GOLM2: variants seen among roughly 807,000 people sequenced by gnomAD.
GOLM2 encodes golgi membrane protein 2.
In GOLM2, 26 loss-of-function variants were observed where a neutral mutation model predicts 55.9. The ratio of observed to expected loss-of-function variants is 0.47; its 90% CI spans 0.34 to 0.65. The LOEUF is 0.65. Ranked by LOEUF, GOLM2 falls within the 30% of genes least tolerant of loss-of-function variation. The pLI is 0.01. For missense variants in GOLM2, 486 were observed against 531.8 expected (o/e 0.91, Z 0.85); for synonymous variants, 165 against 194.6 (o/e 0.85, Z 1.27).
intron 1 of GOLM2, among the ~76,000 whole-genome samples, chr15:44,294,740 C>CAA (rs1329043356): frequency 7.0e-6 from 1 of 143,334 alleles, no homozygotes; most frequent in Non-Finnish European, 1.5e-5. Flanking sequence ...ACCACCACCA[C>CAA]AAAAAAAAAC....
intron 1 of GOLM2, among the ~76,000 whole-genome samples, chr15:44,294,773 G>T (rs1273961923): frequency 1.3e-5 from 2 of 150,084 alleles, no homozygotes; most frequent in Non-Finnish European, 3.0e-5. Flanking sequence ...GGCATGGTGG[G>T]GGGCGCCTGT....
intron 6 of GOLM2, among the ~76,000 whole-genome samples, chr15:44,363,953 A>G (rs1420007416): frequency 1.3e-5 from 2 of 152,028 alleles, no homozygotes; most frequent in Non-Finnish European, 2.9e-5. Flanking sequence ...ACAAAAAACC[A>G]AACACCGCAT....
At chr15:44,340,756 ATGT>A (rs2079085706) in intron 6 of GOLM2, among the ~76,000 whole-genome samples, 1 of 152,216 alleles carries the variant, frequency 6.6e-6, no homozygotes, top group South Asian at 2.1e-4. Context: ...ACTGACTTAG[ATGT>A]TAATTTAAAG....
chr15:44,293,143 A>T (rs2078733047), intron 1 of GOLM2, among the ~76,000 whole-genome samples: 1 of 151,576 alleles, frequency 6.6e-6, no homozygotes, highest in South Asian at 2.1e-4. Flanking sequence ...TTATTGGAAA[A>T]TTAGATCTGG....
intron 8 of GOLM2, chr15:44,387,538 G>A (rs1254315160): frequency 6.6e-6 from 1 of 152,090 alleles, no homozygotes; most frequent in Non-Finnish European, 1.5e-5. Flanking sequence ...CGAGGTGGGT[G>A]GATCATCTGA....
chr15:44,390,799 C>T (rs1173866628), intron 8 of GOLM2, among the ~76,000 whole-genome samples: 2 of 151,952 alleles, frequency 1.3e-5, no homozygotes, highest in African/African-American at 4.8e-5. Context: ...GTACTCCTAA[C>T]CTCAGGTGAT....
At chr15:44,372,331 A>T (rs2079333867) in intron 6 of GOLM2, among the ~76,000 whole-genome samples, 1 of 152,146 alleles carries the variant, frequency 6.6e-6, no homozygotes, top group East Asian at 1.9e-4. Flanking sequence ...TAGGCACTGG[A>T]TCATGAAGTC....
At chr15:44,406,026 C>T (rs911727067) in intron 9 of GOLM2, among the ~76,000 whole-genome samples, 5 of 152,192 alleles carry the variant, frequency 3.3e-5, no homozygotes, top group African/African-American at 1.2e-4. Flanking sequence ...ATGTTCATTA[C>T]TGTGCCAATG....
At chr15:44,410,904 A>C (rs2079633719) in intron 9 of GOLM2, among the ~76,000 whole-genome samples, 2 of 84,740 alleles carry the variant, frequency 2.4e-5, no homozygotes, top group Admixed American at 2.2e-4. Context: ...ACCCTGTATC[A>C]AAAAAAAAAA....
intron 8 of GOLM2, among the ~76,000 whole-genome samples, chr15:44,401,056 G>T (rs183349357): frequency 6.6e-6 from 1 of 152,274 alleles, no homozygotes. Flanking sequence ...AGCAAAGGAA[G>T]CTGTTTATTT....
chr15:44,354,239 A>T (rs1194395592), intron 6 of GOLM2, among the ~76,000 whole-genome samples: 1 of 149,024 alleles, frequency 6.7e-6, no homozygotes, highest in Admixed American at 6.7e-5. Context: ...ATAAAACGGG[A>T]ATTGAACAAT....
intron 1 of GOLM2, among the ~76,000 whole-genome samples, chr15:44,295,046 A>AGTCTGTT (rs1395978677): frequency 6.6e-6 from 1 of 151,484 alleles, no homozygotes; most frequent in Non-Finnish European, 1.5e-5. Flanking sequence ...TGTCACTTCC[A>AGTCTGTT]GTCTGTTACC....
At chr15:44,377,079 A>G (rs1241749471) in intron 6 of GOLM2, among the ~76,000 whole-genome samples, 1 of 152,168 alleles carries the variant, frequency 6.6e-6, no homozygotes, top group Non-Finnish European at 1.5e-5. Flanking sequence ...ATGGGGCTCT[A>G]AAGTTTTTGG....
In GOLM2 at chr15:44,337,754, G is replaced by A. The variant is rs780830413; in HGVS notation, c.577-9G>A. The A allele has an allele frequency of 3.4e-5, 53 of 1,554,360 alleles. 1 individual carries two copies. In the South Asian group the frequency reaches 5.9e-4, roughly 17 times the overall value. The stretch of plus-strand genomic sequence containing the variant: ...CTGAAAAATATTATTACCAAATTTT[G>A]TCTAACAGCAAGAGACCCAAAAGAT... On this transcript the variant is annotated splice_polypyrimidine_tract_variant and intron_variant, in intron 4 of 9. Transcript: ENST00000299957.
intron 4 of GOLM2, among the ~76,000 whole-genome samples, chr15:44,333,225 C>T (rs1028622172): frequency 5.9e-5 from 9 of 152,200 alleles, no homozygotes; most frequent in African/African-American, 9.7e-5. Context: ...AGCCACCGCG[C>T]ACAGCCAATT....
chr15:44,356,610 G>C (rs1337477461), intron 6 of GOLM2, among the ~76,000 whole-genome samples: 3 of 152,156 alleles, frequency 2.0e-5, no homozygotes, highest in Non-Finnish European at 4.4e-5. Context: ...GGTACAGATG[G>C]GTTTGCCGGT....
chr15:44,388,397 C>G (rs1334514458), intron 8 of GOLM2, among the ~76,000 whole-genome samples: 22 of 152,070 alleles, frequency 1.4e-4, no homozygotes, highest in Non-Finnish European at 7.4e-5. Context: ...GACAGGTGGC[C>G]TGGCACAGTG....
chr15:44,366,531 G>T (rs1039321537), intron 6 of GOLM2, among the ~76,000 whole-genome samples: 1 of 152,122 alleles, frequency 6.6e-6, no homozygotes, highest in African/African-American at 2.4e-5. Context: ...CTACTTGGGA[G>T]GCTGAAGTGG....
At chr15:44,388,295 G>A (rs1048071080) in intron 8 of GOLM2, among the ~76,000 whole-genome samples, 233 of 138,704 alleles carry the variant, frequency 1.7e-3, no homozygotes, top group African/African-American at 6.2e-3. Flanking sequence ...AAAAAAAATC[G>A]TTAGTATTCT....
Sources: allele counts gnomAD v4.1 joint callset (sites outside exome capture counted in the v4.1 genomes callset), GRCh38; gene constraint gnomAD v4.1.1; transcripts MANE v1.5; gene names NCBI Gene and HGNC (gene_info 2026-07-23, HGNC 2026-07-21).